Variants in ANKEF1 observed in about 807,000 individuals in gnomAD.
ANKEF1 encodes ankyrin repeat and EF-hand domain containing 1.
A neutral mutation model predicts 65.1 loss-of-function variants in ANKEF1; 43 were observed. The ratio of observed to expected loss-of-function variants is 0.66; its 90% CI spans 0.52 to 0.85. The LOEUF (loss-of-function observed/expected upper bound fraction) is 0.85. ANKEF1 is among the 40% of genes least tolerant of loss of function. The pLI, the probability that ANKEF1 is intolerant of heterozygous loss-of-function variation, is 0.00. For synonymous variants in ANKEF1, 316 were observed against 341.5 expected (o/e 0.93, Z 0.82); for missense variants, 934 against 952.9 (o/e 0.98, Z 0.26).
intron 3 of ANKEF1, among the ~76,000 whole-genome samples, chr20:10,040,181 C>G (rs1432316618): frequency 6.6e-6 from 1 of 152,240 alleles, no homozygotes; most frequent in Non-Finnish European, 1.5e-5. Flanking sequence ...GCAGCCCTCA[C>G]TCTGCATAAC....
chr20:10,051,669 C>T lies in ANKEF1; in HGVS notation c.1650C>T (p.Asn550=), dbSNP rs369090311. The stretch of plus-strand genomic sequence containing the variant: ...CATCTATCTTATTTTACAGAGCTAA[C>T]GTTAATGCAACAGATAACTTTCTGT... ...VVKFLLEKGA[N]VNATDNFLWT... is the part of the protein sequence containing the mutation. Residue 550 remains asparagine (N), a synonymous_variant, in exon 8 of 11, where the codon AAC becomes AAT. Coordinates refer to ENST00000378392, the MANE Select transcript of ANKEF1 (RefSeq NM_022096.6). 9.3e-6 allele frequency: 15 copies of T among 1,612,056 alleles called. No individual in the cohort carries two copies. Among genetic ancestry groups the T allele is most frequent in the South Asian group, 5.5e-5 (5 of 90,974 alleles).
intron 6 of ANKEF1, among the ~76,000 whole-genome samples, chr20:10,046,116 C>CA (rs950772464): frequency 2.3e-4 from 35 of 150,614 alleles, no homozygotes; most frequent in African/African-American, 6.8e-4. Flanking sequence ...ACTAACAATG[C>CA]AAAAAAAAAT....
intron 6 of ANKEF1, 125 bp downstream of exon 6, chr20:10,045,822 A>G: frequency 1.1e-6 from 1 of 872,344 alleles, no homozygotes. Flanking sequence ...CCTCACTCAT[A>G]TGTAGAAAGA....
intron 5 of ANKEF1, 76 bp downstream of exon 5, chr20:10,044,619 A>T (rs1984403302): frequency 4.7e-6 from 7 of 1,505,154 alleles, no homozygotes; most frequent in Non-Finnish European, 6.3e-6. Flanking sequence ...TTTATATGTC[A>T]TATAGAGTAC....
At chr20:10,036,798 T>TGA (rs1983885837) in intron 2 of ANKEF1, among the ~76,000 whole-genome samples, 2 of 152,100 alleles carry the variant, frequency 1.3e-5, no homozygotes, top group Non-Finnish European at 2.9e-5. Flanking sequence ...GCCGAGATTG[T>TGA]GCCACTACAC....
chr20:10,043,289 G>A lies in ANKEF1; in HGVS notation c.514G>A (p.Glu172Lys), dbSNP rs755107512. ...DVKDVCLTFLEKGANPNAINS... is the reference protein window; with the variant it reads ...DVKDVCLTFLKKGANPNAINS... ...TAAAGATGTGTGCCTGACATTTTTGGAAAAAGGAGCCAATCCTAATGCAAT... is the reference window on the plus strand; with the variant it reads ...TAAAGATGTGTGCCTGACATTTTTGAAAAAAGGAGCCAATCCTAATGCAAT... Residue 172 changes from glutamate to lysine, a missense_variant, in exon 4 of 11, where the codon GAA (glutamate) becomes AAA (lysine). Glu to Lys is a moderately conservative substitution (Grantham distance 56, BLOSUM62 1). Transcript: ENST00000378392. The A allele has an allele frequency of 1.1e-5, 18 of 1,613,906 alleles. No individual in the cohort carries two copies. The highest frequency in any genetic ancestry group is 1.5e-5 in the Non-Finnish European group (18 of 1,179,970).
Position 10,044,463 on chromosome 20 carries a change from G to C in ANKEF1, c.616G>C (p.Glu206Gln). The C allele has an allele frequency of 6.2e-7, 1 of 1,614,104 alleles. No homozygotes were observed. Among genetic ancestry groups the C allele is most frequent in the South Asian group, 1.1e-5 (1 of 91,080 alleles). The stretch of plus-strand genomic sequence containing the variant: ...AGTGGAAATAGTTCGAGGCATATTG[G>C]AAAGAGGAGGTGAAGTGAATGCATT... ...GVVEIVRGIL[E>Q]RGGEVNAFDN... Residue 206 changes from glutamate (E) to glutamine (Q), a missense_variant, in exon 5 of 11, where the codon GAA (glutamate) becomes CAA (glutamine). Transcript: ENST00000378392.
chr20:10,049,482 C>G lies in ANKEF1; in HGVS notation c.913C>G (p.Arg305Gly), dbSNP rs778026616. Residue 305 changes from arginine to glycine, a missense_variant, in exon 7 of 11, where the codon CGA becomes GGA. By Grantham distance (125) the Arg-to-Gly change is moderately radical. Transcript: ENST00000378392. ...CAAAGCAGCAAGCAAAGAAATACGC[C>G]GAGCAGAGAGAATCGCTAATAAACT... ...GFKAASKEIR[R>G]AERIANKLAR... 6.8e-6 allele frequency: 11 copies of G among 1,613,890 alleles called. No homozygotes were observed. Among genetic ancestry groups the G allele is most frequent in the South Asian group, 2.2e-5 (2 of 91,076 alleles).
In ANKEF1 at chr20:10,049,603, C is replaced by T. The variant is rs375661932; in HGVS notation, c.1034C>T (p.Ala345Val). The T allele has an allele frequency of 5.0e-6, 8 of 1,613,852 alleles. No homozygotes were observed. Among genetic ancestry groups the T allele is most frequent in the Non-Finnish European group, 5.9e-6 (7 of 1,179,994 alleles). Residue 345 changes from alanine to valine, a missense_variant, in exon 7 of 11, where the codon GCG becomes GTG. By Grantham distance (64) the Ala-to-Val change is moderately conservative. Transcript: ENST00000378392. ...GAGGCTTTCCTCCGGGAAGCCTTTGCGGTTTTAGACAGGGGTGATGGAAGC... is the reference window on the plus strand; with the variant it reads ...GAGGCTTTCCTCCGGGAAGCCTTTGTGGTTTTAGACAGGGGTGATGGAAGC... ...EREAFLREAF[A>V]VLDRGDGSIS...
chr20:10,044,681 C>T (rs1984406530), intron 5 of ANKEF1, 138 bp downstream of exon 5: 2 of 651,862 alleles, frequency 3.1e-6, no homozygotes, highest in Non-Finnish European at 4.7e-6. Context: ...TCTTGATTTC[C>T]CCAAATAATT....
At position 10,044,587 on chromosome 20, in the gene ANKEF1, T is replaced by C. The variant is rs187892239; in HGVS notation, c.696+44T>C. The stretch of plus-strand genomic sequence containing the variant: ...CTTTAAAATTTGTTGCTAAAACTTT[T>C]CTGTCCTTTTTCTCAAATTTTTTTA... On this transcript the variant is annotated intron_variant, in intron 5 of 10. Coordinates refer to ENST00000378392, the MANE Select transcript of ANKEF1 (RefSeq NM_022096.6). The C allele has an allele frequency of 3.0e-5, 48 of 1,603,888 alleles. No individual in the cohort carries two copies. In the African/African-American group the frequency reaches 5.4e-4, roughly 18 times the overall value.
At chr20:10,050,344 TA>T in intron 7 of ANKEF1, 132 bp downstream of exon 7, 1 of 655,432 alleles carries the variant, frequency 1.5e-6, no homozygotes, top group Admixed American at 3.4e-5. Flanking sequence ...CTTTAATATA[TA>T]AAAGCCTTTT....
chr20:10,044,454 G>A lies in ANKEF1; in HGVS notation c.607G>A (p.Gly203Ser), dbSNP rs1402712913. 1 of 1,613,940 alleles carries A rather than the reference G, an allele frequency of 6.2e-7. No individual in the cohort carries two copies. Among genetic ancestry groups the A allele is most frequent in the African/African-American group, 1.3e-5 (1 of 74,880 alleles). The change falls in exon 5 of 11, where the codon GGC becomes AGC. Residue 203 changes from glycine (G) to serine (S), a missense_variant. Physicochemically the swap from Gly to Ser is moderately conservative, Grantham distance 56. Coordinates refer to ENST00000378392, the MANE Select transcript of ANKEF1 (RefSeq NM_022096.6). ...SREGVVEIVRGILERGGEVNA... is the reference protein window; with the variant it reads ...SREGVVEIVRSILERGGEVNA... ...AGAAGGGGTAGTGGAAATAGTTCGA[G>A]GCATATTGGAAAGAGGAGGTGAAGT... is the stretch of plus-strand genomic sequence containing the variant.
Position 10,045,559 on chromosome 20 carries a change from C to G in ANKEF1, c.697-15C>G, listed in dbSNP as rs894418845. ...CATTCCTATTCCTCCACAATATCCACTATTTATTTTACAGATATTGAAGCT... is the reference window on the plus strand; with the variant it reads ...CATTCCTATTCCTCCACAATATCCAGTATTTATTTTACAGATATTGAAGCT... On this transcript the variant is annotated splice_polypyrimidine_tract_variant and intron_variant, in intron 5 of 10. Transcript: ENST00000378392. 9 of 1,612,002 alleles carry G rather than the reference C, an allele frequency of 5.6e-6. No individual in the cohort carries two copies. The highest frequency in any genetic ancestry group is 1.7e-5 in the Admixed American group (1 of 59,968).
chr20:10,043,397 TGAC>T (rs1196227508), intron 4 of ANKEF1, 76 bp downstream of exon 4: 20 of 1,391,756 alleles, frequency 1.4e-5, no homozygotes, highest in Non-Finnish European at 9.1e-6. Flanking sequence ...TTAAATATGA[TGAC>T]ATTATCCTGT....
At chr20:10,040,270 T>G (rs1341836276) in intron 3 of ANKEF1, among the ~76,000 whole-genome samples, 2 of 152,236 alleles carry the variant, frequency 1.3e-5, no homozygotes, top group Non-Finnish European at 2.9e-5. Flanking sequence ...CATCCCTCAG[T>G]TTGGCTGCCA....
chr20:10,055,576 G>A lies in ANKEF1; in HGVS notation c.2247G>A (p.Glu749=), dbSNP rs747260398. ...TACGGCGAGAGAGGTTTACACATGA[G>A]GTGGACTTCGACGATTTTATGATGC... ...RELRRERFTH[E]VDFDDFMMPF... is the part of the protein sequence containing the mutation. Residue 749 remains glutamate (E), a synonymous_variant, in exon 11 of 11, where the codon GAG becomes GAA. Transcript: ENST00000378392. 1.2e-6 allele frequency: 2 copies of A among 1,613,792 alleles called. No homozygotes were observed. The highest frequency in any genetic ancestry group is 1.7e-6 in the Non-Finnish European group (2 of 1,179,802).
At chr20:10,040,242 A>G (rs1476494255) in intron 3 of ANKEF1, among the ~76,000 whole-genome samples, 1 of 152,190 alleles carries the variant, frequency 6.6e-6, no homozygotes, top group Non-Finnish European at 1.5e-5. Flanking sequence ...CACATCAACA[A>G]GGCTCACTCA....
chr20:10,043,050 A>T (rs1984283079), intron 3 of ANKEF1, 72 bp from the exon 4 acceptor site: 5 of 1,464,904 alleles, frequency 3.4e-6, no homozygotes, highest in Non-Finnish European at 4.7e-6. Flanking sequence ...TGGATTTTTA[A>T]TAATTTTACT....
Sources: allele counts gnomAD v4.1 joint callset (sites outside exome capture counted in the v4.1 genomes callset), GRCh38; gene constraint gnomAD v4.1.1; transcripts MANE v1.5; gene names NCBI Gene and HGNC (gene_info 2026-07-23, HGNC 2026-07-21).